PLXNA2: variants seen among roughly 807,000 people sequenced by gnomAD.
PLXNA2 encodes the protein plexin-A2.
Under a neutral mutation model 193.5 loss-of-function variants are expected in PLXNA2, and 91 were observed. That is an observed-to-expected ratio of 0.47 (90% CI 0.40 to 0.56). The LOEUF (loss-of-function observed/expected upper bound fraction) is 0.56, where lower values mean the gene tolerates loss of function less well. PLXNA2 is among the 20% of genes least tolerant of loss of function. The pLI, the probability that PLXNA2 is intolerant of heterozygous loss-of-function variation, is 0.00. For missense variants in PLXNA2, 1,995 were observed against 2,503.2 expected, an observed-to-expected ratio of 0.80 and a Z score of 4.33; for synonymous variants, 997 against 1,027.3, an observed-to-expected ratio of 0.97 and a Z score of 0.56.
chr1:208,048,819 A>G (rs1665160753), intron 17 of PLXNA2, among the ~76,000 whole-genome samples: 1 of 152,178 alleles, frequency 6.6e-6, no homozygotes, highest in Non-Finnish European at 1.5e-5. Flanking sequence ...CTGTATGCTG[A>G]TGCTTTGACA....
intron 4 of PLXNA2, among the ~76,000 whole-genome samples, chr1:208,105,693 G>A (rs1016508729): frequency 6.6e-6 from 1 of 152,192 alleles, no homozygotes; most frequent in Non-Finnish European, 1.5e-5. Context: ...CCCAGGCCTG[G>A]TGACTATCAG....
At chr1:208,114,721 G>A (rs1571932828) in intron 4 of PLXNA2, among the ~76,000 whole-genome samples, 2 of 152,214 alleles carry the variant, frequency 1.3e-5, no homozygotes, top group Admixed American at 6.5e-5. Context: ...TATTCTCTCT[G>A]ACTTTTCTTG....
chr1:208,039,952 C>G, intron 23 of PLXNA2, 40 bp downstream of exon 23: 1 of 1,605,872 alleles, frequency 6.2e-7, no homozygotes, highest in Non-Finnish European at 8.5e-7. Context: ...CAGTGCCATC[C>G]TGCCCTGGAC....
intron 3 of PLXNA2, among the ~76,000 whole-genome samples, chr1:208,149,855 A>G (rs957899490): frequency 6.6e-6 from 1 of 152,128 alleles, no homozygotes; most frequent in Non-Finnish European, 1.5e-5. Context: ...ACATACACAC[A>G]CACTCTCTCA....
intron 1 of PLXNA2, 77 bp from the exon 2 acceptor site, chr1:208,218,079 C>CTA: frequency 7.5e-7 from 1 of 1,330,468 alleles, no homozygotes; most frequent in South Asian, 1.3e-5. Context: ...GACCCAGGGT[C>CTA]CCCATCCTGG....
chr1:208,079,193 C>T, intron 12 of PLXNA2, 67 bp downstream of exon 12: 1 of 1,372,262 alleles, frequency 7.3e-7, no homozygotes, highest in South Asian at 1.3e-5. Context: ...AATTTGCACT[C>T]CTCTCCCACT....
At chr1:208,064,067 A>G (rs1226459548) in intron 12 of PLXNA2, among the ~76,000 whole-genome samples, 2 of 152,044 alleles carry the variant, frequency 1.3e-5, no homozygotes, top group Admixed American at 1.3e-4. Flanking sequence ...TGGACTCACC[A>G]TGCACCCAGC....
chr1:208,177,890 T>G (rs1669708610), intron 3 of PLXNA2, among the ~76,000 whole-genome samples: 1 of 152,222 alleles, frequency 6.6e-6, no homozygotes, highest in Admixed American at 6.5e-5. Context: ...TGATGCACTC[T>G]CAAGTCTGAG....
intron 3 of PLXNA2, among the ~76,000 whole-genome samples, chr1:208,204,272 T>C (rs528458400): frequency 1.6e-4 from 25 of 152,306 alleles, no homozygotes; most frequent in African/African-American, 5.3e-4. Flanking sequence ...AGTGGTTCCC[T>C]GGGCATTCTT....
At chr1:208,166,028 T>G (rs2590684) in intron 3 of PLXNA2, among the ~76,000 whole-genome samples, 146,861 of 152,222 alleles carry the variant, frequency 0.96, 71,102 homozygotes, top group East Asian at 1. Flanking sequence ...CATCTCTAAT[T>G]GTCCAAGGAG....
At chr1:208,073,808 A>G (rs1320160766) in intron 12 of PLXNA2, among the ~76,000 whole-genome samples, 4 of 152,178 alleles carry the variant, frequency 2.6e-5, no homozygotes, top group African/African-American at 9.7e-5. Context: ...ACAGAGATAG[A>G]ATGCCATGTG....
Position 208,146,993 on chromosome 1 carries a change from C to T in PLXNA2, c.1372-4530G>A, listed in dbSNP as rs117770539. Among the ~76,000 whole-genome samples the T allele has an allele frequency of 5.3e-5, 8 of 152,262 alleles. No homozygotes were observed. In the East Asian group the frequency reaches 1.5e-3, roughly 29 times the overall value. ...GAACAGAAGAGAGTGACAGTCTTTA[C>T]TGAGACCAGCAAAAGACAAAATGTG... is the stretch of plus-strand genomic sequence containing the variant. On this transcript the variant is annotated intron_variant, in intron 3 of 31. Coordinates refer to ENST00000367033, the MANE Select transcript of PLXNA2 (RefSeq NM_025179.4).
intron 17 of PLXNA2, among the ~76,000 whole-genome samples, chr1:208,050,409 C>A (rs1025900055): frequency 2.0e-5 from 3 of 152,272 alleles, no homozygotes; most frequent in Non-Finnish European, 2.9e-5. Context: ...TGGGTTTTCA[C>A]TGGACCTCAA....
intron 3 of PLXNA2, among the ~76,000 whole-genome samples, chr1:208,177,385 T>A (rs867363773): frequency 6.6e-6 from 1 of 152,174 alleles, no homozygotes; most frequent in Non-Finnish European, 1.5e-5. Flanking sequence ...TGTGTAACCT[T>A]CAAATCTCTG....
At chr1:208,154,615 A>G (rs116470821) in intron 3 of PLXNA2, among the ~76,000 whole-genome samples, 1,582 of 152,376 alleles carry the variant, frequency 0.01, 24 homozygotes, top group South Asian at 0.032. Context: ...AAGTCAGATC[A>G]CAGCAAGAGA....
intron 26 of PLXNA2, among the ~76,000 whole-genome samples, chr1:208,036,461 C>T (rs911310825): frequency 2.6e-5 from 4 of 152,178 alleles, no homozygotes; most frequent in African/African-American, 9.7e-5. Context: ...GCTGCTTACC[C>T]GCTCCAGGAC....
At position 208,026,004 on chromosome 1, in the gene PLXNA2, TGAAA is replaced by T. The variant is rs1271644445; in HGVS notation, c.*1235_*1238del. 2 of 152,648 alleles carry T rather than the reference TGAAA, an allele frequency of 1.3e-5. No homozygotes were observed. Among genetic ancestry groups the T allele is most frequent in the East Asian group, 1.9e-4 (1 of 5,190 alleles). 9.5% of individuals were successfully genotyped at this position (152,648 alleles called of 1,614,324 possible). ...TCTCCCCTCTCCAGGCACGAGAGAA[TGAAA>T]GAAAGAAAGCATAATAATAAATACT... On this transcript the variant is annotated 3_prime_UTR_variant, in exon 32 of 32. Coordinates refer to ENST00000367033, the MANE Select transcript of PLXNA2 (RefSeq NM_025179.4).
chr1:208,165,254 C>G (rs1669263892), intron 3 of PLXNA2, among the ~76,000 whole-genome samples: 1 of 152,134 alleles, frequency 6.6e-6, no homozygotes, highest in African/African-American at 2.4e-5. Flanking sequence ...GTTCTCTTAC[C>G]CAGGAAAAGG....
At chr1:208,124,829 G>A (rs141578169) in intron 4 of PLXNA2, among the ~76,000 whole-genome samples, 60 of 152,010 alleles carry the variant, frequency 3.9e-4, no homozygotes, top group African/African-American at 1.3e-3. Flanking sequence ...TGAATTATAG[G>A]GAGAGGAAAT....
Sources: allele counts gnomAD v4.1 joint callset (sites outside exome capture counted in the v4.1 genomes callset), GRCh38; gene constraint gnomAD v4.1.1; transcripts MANE v1.5; gene names NCBI Gene and HGNC (gene_info 2026-07-23, HGNC 2026-07-21).